The following CHL1 variants were observed in gnomAD, a reference collection of about 807,000 sequenced individuals.
CHL1 encodes the protein cell adhesion molecule L1 like, also known as neural cell adhesion molecule L1-like protein.
A neutral mutation model predicts 141.9 loss-of-function variants in CHL1; 96 were observed. The ratio of observed to expected loss-of-function variants is 0.68; its 90% CI spans 0.57 to 0.80. The LOEUF is 0.80. Among genes scored for constraint, CHL1 ranks in the 30% least tolerant of loss-of-function variants. The probability of loss-of-function intolerance (pLI) is 0.00; values close to 1 mark genes in which losing one functional copy is unlikely to be tolerated. For missense variants in CHL1, 1,820 were observed against 1,457.2 expected, an observed-to-expected ratio of 1.25 and a Z score of -4.05; for synonymous variants, 613 against 502.2, an observed-to-expected ratio of 1.22 and a Z score of -2.95.
At chr3:228,161 A>G (rs1701525258) in intron 1 of CHL1, among the ~76,000 whole-genome samples, 1 of 152,228 alleles carries the variant, frequency 6.6e-6, no homozygotes, top group Non-Finnish European at 1.5e-5. Flanking sequence ...TGTTATTGGA[A>G]TGTATAGTCT....
At chr3:401,322 C>T (rs1709108285) in intron 26 of CHL1, among the ~76,000 whole-genome samples, 1 of 152,204 alleles carries the variant, frequency 6.6e-6, no homozygotes, top group South Asian at 2.1e-4. Context: ...ACTGAGAAAT[C>T]AAACTCAGTT....
At chr3:380,223 T>G (rs1378224726) in intron 16 of CHL1, among the ~76,000 whole-genome samples, 6 of 152,326 alleles carry the variant, frequency 3.9e-5, no homozygotes, top group African/African-American at 1.4e-4. Flanking sequence ...ATTTATGGCT[T>G]TAATGTTTGG....
chr3:294,744 A>T (rs181445754), intron 2 of CHL1, among the ~76,000 whole-genome samples: 117 of 152,336 alleles, frequency 7.7e-4, no homozygotes, highest in African/African-American at 2.7e-3. Flanking sequence ...AGTTTGATTC[A>T]TCACATCCCA....
intron 2 of CHL1, among the ~76,000 whole-genome samples, chr3:264,981 G>T (rs774118862): frequency 1.3e-5 from 2 of 152,264 alleles, no homozygotes; most frequent in East Asian, 3.9e-4. Context: ...GTAAATTTGC[G>T]AATAATGATG....
chr3:215,933 A>G (rs1320368953), intron 1 of CHL1, among the ~76,000 whole-genome samples: 1 of 152,082 alleles, frequency 6.6e-6, no homozygotes, highest in African/African-American at 2.4e-5. Context: ...CTAGTGTTTT[A>G]TTTACTGGTT....
intron 5 of CHL1, 25 bp from the exon 6 acceptor site, chr3:340,769 A>G: frequency 6.4e-7 from 1 of 1,566,252 alleles, no homozygotes; most frequent in Non-Finnish European, 8.7e-7. Context: ...TTAAAATAAC[A>G]CATTAAAATG....
chr3:398,918 T>C (rs1708893924), intron 25 of CHL1, 99 bp from the exon 26 acceptor site: 1 of 1,110,298 alleles, frequency 9.0e-7, no homozygotes, highest in Non-Finnish European at 1.3e-6. Flanking sequence ...ACTGATACTA[T>C]TTGGTATGTT....
intron 1 of CHL1, among the ~76,000 whole-genome samples, chr3:216,760 A>C (rs17006985): frequency 1.3e-5 from 2 of 152,162 alleles, no homozygotes; most frequent in Admixed American, 6.5e-5. Flanking sequence ...ACAGAAAACT[A>C]GCATTTCTCC....
chr3:258,946 T>TC (rs1439791655), intron 2 of CHL1, among the ~76,000 whole-genome samples: 1 of 148,560 alleles, frequency 6.7e-6, no homozygotes, highest in Non-Finnish European at 1.5e-5. Context: ...TTTTTTTTTT[T>TC]TTTTTCTGAG....
intron 8 of CHL1, among the ~76,000 whole-genome samples, chr3:343,801 G>A (rs978457297): frequency 6.6e-6 from 1 of 152,108 alleles, no homozygotes; most frequent in African/African-American, 2.4e-5. Flanking sequence ...TTTCCTTTGA[G>A]ATTAATAACT....
intron 15 of CHL1, among the ~76,000 whole-genome samples, chr3:377,256 C>G (rs910394611): frequency 5.3e-5 from 8 of 152,308 alleles, no homozygotes; most frequent in Admixed American, 2.6e-4. Flanking sequence ...ACACTGCCAT[C>G]TTCTGTTCAA....
intron 1 of CHL1, among the ~76,000 whole-genome samples, chr3:226,433 A>G (rs1450810517): frequency 6.8e-6 from 1 of 146,700 alleles, no homozygotes; most frequent in Non-Finnish European, 1.5e-5. Context: ...TATATTTTTT[A>G]ATTTTATTAT....
intron 15 of CHL1, among the ~76,000 whole-genome samples, chr3:375,089 C>A (rs1054917543): frequency 6.6e-6 from 1 of 152,032 alleles, no homozygotes; most frequent in Non-Finnish European, 1.5e-5. Flanking sequence ...TTTAGGCCTC[C>A]CAATAATACT....
intron 2 of CHL1, among the ~76,000 whole-genome samples, chr3:265,499 A>G (rs1695073959): frequency 6.6e-6 from 1 of 152,204 alleles, no homozygotes; most frequent in Non-Finnish European, 1.5e-5. Flanking sequence ...AGTTCACACT[A>G]ACCTTTTAGT....
At chr3:381,109 T>G (rs1469071333) in intron 16 of CHL1, among the ~76,000 whole-genome samples, 1 of 152,132 alleles carries the variant, frequency 6.6e-6, no homozygotes, top group African/African-American at 2.4e-5. Flanking sequence ...GCCTAGGAAT[T>G]TTCATTGTTA....
intron 2 of CHL1, among the ~76,000 whole-genome samples, chr3:268,922 C>T (rs1174923298): frequency 6.6e-6 from 1 of 152,182 alleles, no homozygotes; most frequent in Admixed American, 6.5e-5. Context: ...TTTGTTTACA[C>T]TTCCCCAGTA....
intron 5 of CHL1, among the ~76,000 whole-genome samples, chr3:332,400 G>A (rs908960139): frequency 2.6e-5 from 4 of 152,146 alleles, no homozygotes; most frequent in Non-Finnish European, 5.9e-5. Context: ...TGTAATGGAA[G>A]TAAAAATTGG....
intron 2 of CHL1, among the ~76,000 whole-genome samples, chr3:300,923 C>G (rs984416755): frequency 3.3e-5 from 5 of 152,044 alleles, no homozygotes; most frequent in Non-Finnish European, 4.4e-5. Context: ...AAAGTTATAA[C>G]AAGAGATTGG....
intron 2 of CHL1, among the ~76,000 whole-genome samples, chr3:275,535 G>A (rs1304783691): frequency 1.3e-5 from 2 of 152,206 alleles, no homozygotes; most frequent in Non-Finnish European, 2.9e-5. Context: ...TATCTGGACT[G>A]ACACAGTTTT....
Sources: allele counts gnomAD v4.1 joint callset (sites outside exome capture counted in the v4.1 genomes callset), GRCh38; gene constraint gnomAD v4.1.1; transcripts MANE v1.5; gene names NCBI Gene and HGNC (gene_info 2026-07-23, HGNC 2026-07-21).